The following PCDHA4 variants were observed in gnomAD, a reference collection of about 807,000 sequenced individuals.
PCDHA4 encodes the protein protocadherin alpha-4.
A neutral mutation model predicts 61.4 loss-of-function variants in PCDHA4; 49 were observed. The ratio of observed to expected loss-of-function variants is 0.80; its 90% confidence interval spans 0.63 to 1.01. The LOEUF (loss-of-function observed/expected upper bound fraction) is 1.01, where lower values mean the gene tolerates loss of function less well. Ranked by LOEUF, PCDHA4 falls within the 50% of genes least tolerant of loss-of-function variation. The pLI, the probability that PCDHA4 is intolerant of heterozygous loss-of-function variation, is 0.00. For synonymous variants in PCDHA4, 590 were observed against 550.3 expected (o/e 1.07, Z -1.01); for missense variants, 1,254 against 1,235.8 (o/e 1.01, Z -0.22).
chr5:140,871,343 G>A (rs782701070), intron 1 of PCDHA4: 3 of 1,614,194 alleles, frequency 1.9e-6, no homozygotes, highest in East Asian at 2.2e-5. Context: ...GTGGGGAGCT[G>A]GTCATACTCG....
chr5:141,001,520 C>G (rs542518188), intron 3 of PCDHA4, among the ~76,000 whole-genome samples: 1 of 152,300 alleles, frequency 6.6e-6, no homozygotes, highest in South Asian at 2.1e-4. Flanking sequence ...CTTTCTCCCT[C>G]TCTCTCTGAT....
Position 140,816,832 on chromosome 5 carries a change from G to C in PCDHA4, c.2385+7260G>C, listed in dbSNP as rs1018228008. 1.3e-5 allele frequency: 2 copies of C among 151,804 alleles called. 1 individual carries two copies. The highest frequency in any genetic ancestry group is 3.9e-4 in the East Asian group (2 of 5,176). The allele number at this position is 151,804 out of a possible 1,614,324, so 9.4% of individuals were successfully genotyped here. A position where few individuals can be genotyped will look rare whatever the true frequency, so the allele number is the denominator to read the frequency against. Reference sequence around the variant, plus strand: ...ATGCTCTAATCTTTTTCCCTCTGTGGTGTCTGTGTGCTGTACTGTGGGCCC... The same window carrying C: ...ATGCTCTAATCTTTTTCCCTCTGTGCTGTCTGTGTGCTGTACTGTGGGCCC... On this transcript the variant is annotated intron_variant, in intron 1 of 3. Coordinates refer to ENST00000530339, the MANE Select transcript of PCDHA4 (RefSeq NM_018907.4).
chr5:140,915,638 C>CTT (rs1183097723), intron 1 of PCDHA4, among the ~76,000 whole-genome samples: 1 of 151,724 alleles, frequency 6.6e-6, no homozygotes, highest in African/African-American at 2.4e-5. Context: ...CTCTCTCTCT[C>CTT]TCTCTCTCTC....
intron 1 of PCDHA4, among the ~76,000 whole-genome samples, chr5:140,906,204 C>A (rs2072457750): frequency 6.6e-6 from 1 of 152,192 alleles, no homozygotes. Context: ...AGTTGACACT[C>A]AGTATTAACC....
chr5:140,871,287 G>C (rs782751803), intron 1 of PCDHA4: 2 of 1,613,932 alleles, frequency 1.2e-6, no homozygotes, highest in Middle Eastern at 1.7e-4. Context: ...CGCCCACTGA[G>C]GGCGCGTGCG....
At chr5:140,814,216 G>GT (rs2126652899) in intron 1 of PCDHA4, 7,078 of 149,294 alleles carry the variant, frequency 0.047, 511 homozygotes, top group African/African-American at 0.16. Context: ...TTTACTTAGT[G>GT]TTTTTTTTTG....
At chr5:140,896,858 A>C (rs1448787828) in intron 1 of PCDHA4, among the ~76,000 whole-genome samples, 3 of 152,192 alleles carry the variant, frequency 2.0e-5, no homozygotes, top group Non-Finnish European at 4.4e-5. Context: ...TGGGTACATA[A>C]TAAGTGTACA....
At chr5:140,822,525 G>A in intron 1 of PCDHA4, 4 of 1,613,928 alleles carry the variant, frequency 2.5e-6, no homozygotes, top group Non-Finnish European at 3.4e-6. Flanking sequence ...ATGTCAGATT[G>A]TTGGAAAATG....
At chr5:140,892,678 A>G (rs1381127232) in intron 1 of PCDHA4, among the ~76,000 whole-genome samples, 2 of 152,216 alleles carry the variant, frequency 1.3e-5, no homozygotes, top group Middle Eastern at 3.2e-3. Context: ...ACATATATAC[A>G]ATGTATAATA....
intron 1 of PCDHA4, among the ~76,000 whole-genome samples, chr5:140,831,552 G>T (rs2150196212): frequency 7.2e-6 from 1 of 139,216 alleles, no homozygotes; most frequent in Non-Finnish European, 1.5e-5. Flanking sequence ...TTTAAGAGAT[G>T]GGGTTTCTCC....
chr5:140,850,235 G>C (rs2041450021), intron 1 of PCDHA4: 1 of 1,593,876 alleles, frequency 6.3e-7, no homozygotes, highest in African/African-American at 1.3e-5. Flanking sequence ...TGAGCGAGAT[G>C]GTGCTGCGGT....
At chr5:140,905,234 C>T (rs1303215169) in intron 1 of PCDHA4, among the ~76,000 whole-genome samples, 1 of 152,144 alleles carries the variant, frequency 6.6e-6, no homozygotes, top group African/African-American at 2.4e-5. Flanking sequence ...GATGAGGATC[C>T]AGTTTCATTC....
At chr5:140,822,616 A>G (rs1554128752) in intron 1 of PCDHA4, 2 of 1,611,568 alleles carry the variant, frequency 1.2e-6, no homozygotes, top group Non-Finnish European at 1.7e-6. Flanking sequence ...GTATTTCTTT[A>G]GTAATCTTGT....
intron 2 of PCDHA4, among the ~76,000 whole-genome samples, chr5:140,979,718 TGCCATGGG>T (rs1430155366): frequency 1.3e-5 from 2 of 152,270 alleles, no homozygotes; most frequent in Non-Finnish European, 2.9e-5. Context: ...CCAGTATCCA[TGCCATGGG>T]GCCAAATAAA....
chr5:140,841,207 T>C (rs1217897832), intron 1 of PCDHA4: 1 of 1,357,074 alleles, frequency 7.4e-7, no homozygotes, highest in African/African-American at 1.5e-5. Context: ...ACAGCATCTG[T>C]CTCTAAAGGC....
At chr5:140,823,954 A>G (rs1408335072) in intron 1 of PCDHA4, 1 of 1,613,832 alleles carries the variant, frequency 6.2e-7, no homozygotes, top group Non-Finnish European at 8.5e-7. Flanking sequence ...GGCGCAGCCC[A>G]CCGAGGCCGT....
chr5:140,858,539 T>A (rs62384480), intron 1 of PCDHA4: 78,694 of 1,399,008 alleles, frequency 0.056, 7,001 homozygotes, highest in Non-Finnish European at 0.065. Context: ...TTTGTCTACA[T>A]TCCATTTATG....
In PCDHA4 at chr5:140,870,004, G is replaced by T. The variant is rs374513388; in HGVS notation, c.2385+60432G>T. 129 of 1,613,494 alleles carry T rather than the reference G, an allele frequency of 8.0e-5. No homozygotes were observed. Among genetic ancestry groups the T allele is most frequent in the Non-Finnish European group, 1.1e-4 (126 of 1,179,842 alleles). The stretch of plus-strand genomic sequence containing the variant: ...TACACTAGATCAAAATAATGGAGAA[G>T]TGAGGGTCAATGGAACTTTAGATTA... On this transcript the variant is annotated intron_variant, in intron 1 of 3. Coordinates refer to ENST00000530339, the MANE Select transcript of PCDHA4 (RefSeq NM_018907.4).
intron 3 of PCDHA4, among the ~76,000 whole-genome samples, chr5:140,986,174 A>G (rs896771813): frequency 1.3e-5 from 2 of 152,238 alleles, no homozygotes; most frequent in Admixed American, 6.5e-5. Flanking sequence ...CAGGATAAAC[A>G]AGTCAGGCAT....
Sources: allele counts gnomAD v4.1 joint callset (sites outside exome capture counted in the v4.1 genomes callset), GRCh38; gene constraint gnomAD v4.1.1; transcripts MANE v1.5; gene names NCBI Gene and HGNC (gene_info 2026-07-23, HGNC 2026-07-21).